Variants in ABLIM1 observed in about 807,000 individuals in gnomAD.
The protein encoded by ABLIM1 is actin binding LIM protein 1, also known as actin-binding LIM protein 1.
A neutral mutation model predicts 107.0 loss-of-function variants in ABLIM1; 40 were observed. The observed-to-expected ratio is 0.37, with a 90% CI of 0.29 to 0.49. The LOEUF is 0.49. Ranked by LOEUF, ABLIM1 falls within the 20% of genes least tolerant of loss-of-function variation. The probability of loss-of-function intolerance (pLI) is 0.97; values close to 1 mark genes in which losing one functional copy is unlikely to be tolerated. For missense variants in ABLIM1, 857 were observed against 1,008.5 expected, an observed-to-expected ratio of 0.85 and a Z score of 2.04; for synonymous variants, 357 against 357.3, an observed-to-expected ratio of 1.00 and a Z score of 0.01.
intron 1 of ABLIM1, among the ~76,000 whole-genome samples, chr10:114,668,994 C>A (rs1044507243): frequency 2.6e-5 from 4 of 152,202 alleles, no homozygotes; most frequent in Non-Finnish European, 5.9e-5. Flanking sequence ...AGCTAGTCTT[C>A]CTCATTTCTA....
intron 1 of ABLIM1, among the ~76,000 whole-genome samples, chr10:114,737,169 C>T (rs1238858259): frequency 2.6e-5 from 4 of 151,624 alleles, no homozygotes; most frequent in South Asian, 2.1e-4. Flanking sequence ...ACTAAAAACA[C>T]AAAAATTAGC....
intron 1 of ABLIM1, among the ~76,000 whole-genome samples, chr10:114,622,984 A>G (rs2077563510): frequency 6.6e-6 from 1 of 152,168 alleles, no homozygotes; most frequent in Non-Finnish European, 1.5e-5. Flanking sequence ...GTTTTCTGAG[A>G]CAAGGTCTGG....
intron 4 of ABLIM1, among the ~76,000 whole-genome samples, chr10:114,558,901 T>C (rs1296338915): frequency 3.2e-5 from 3 of 93,778 alleles, no homozygotes; most frequent in Admixed American, 1.1e-4. Flanking sequence ...CAGGGAGAAC[T>C]AGTGTGTGTG....
intron 1 of ABLIM1, among the ~76,000 whole-genome samples, chr10:114,737,973 T>C (rs759133446): frequency 6.6e-6 from 1 of 152,170 alleles, no homozygotes; most frequent in African/African-American, 2.4e-5. Context: ...ACTAAAAAAA[T>C]TTACTAAAAC....
chr10:114,637,584 G>T (rs1476088358), intron 1 of ABLIM1, among the ~76,000 whole-genome samples: 1 of 152,154 alleles, frequency 6.6e-6, no homozygotes, highest in African/African-American at 2.4e-5. Flanking sequence ...TTTTTCAAAA[G>T]CCAGTTCTGA....
chr10:114,635,742 G>A (rs1489633790), intron 1 of ABLIM1, among the ~76,000 whole-genome samples: 2 of 152,188 alleles, frequency 1.3e-5, no homozygotes, highest in African/African-American at 2.4e-5. Flanking sequence ...GGCTGGTTTC[G>A]AACTCCTGAA....
At chr10:114,585,823 A>C (rs540792581) in intron 2 of ABLIM1, among the ~76,000 whole-genome samples, 1 of 152,096 alleles carries the variant, frequency 6.6e-6, no homozygotes, top group Non-Finnish European at 1.5e-5. Context: ...TTGAGACACA[A>C]AACAATGATT....
At chr10:114,649,767 C>T (rs555286330) in intron 1 of ABLIM1, among the ~76,000 whole-genome samples, 1 of 152,276 alleles carries the variant, frequency 6.6e-6, no homozygotes, top group Non-Finnish European at 1.5e-5. Context: ...CTACTGGTAG[C>T]CTTCGTCTTG....
intron 2 of ABLIM1, among the ~76,000 whole-genome samples, chr10:114,577,900 C>T (rs996693648): frequency 2.6e-5 from 4 of 152,160 alleles, no homozygotes; most frequent in African/African-American, 9.7e-5. Flanking sequence ...GATGCCAGTA[C>T]CTAAAATATA....
intron 1 of ABLIM1, among the ~76,000 whole-genome samples, chr10:114,704,300 C>CTATATATATA (rs1192514543): frequency 6.9e-5 from 2 of 28,882 alleles, no homozygotes; most frequent in African/African-American, 2.7e-4. Flanking sequence ...CTCTCTCTCT[C>CTATATATATA]TCTATATATA....
chr10:114,787,893 G>T, the ABLIM1 span, among the ~76,000 whole-genome samples: 4 of 147,168 alleles, frequency 2.7e-5, no homozygotes, highest in African/African-American at 5.0e-5. Flanking sequence ...AGAAAGGGGG[G>T]AAAGGTGGGG....
intron 6 of ABLIM1, among the ~76,000 whole-genome samples, chr10:114,542,470 TGAA>T (rs1403601244): frequency 9.3e-6 from 1 of 107,630 alleles, no homozygotes; most frequent in Non-Finnish European, 1.9e-5. Flanking sequence ...AAGATGATGA[TGAA>T]GAAGGAAGAA....
At chr10:114,732,477 A>C (rs956181165) in intron 1 of ABLIM1, among the ~76,000 whole-genome samples, 1 of 151,834 alleles carries the variant, frequency 6.6e-6, no homozygotes, top group Non-Finnish European at 1.5e-5. Flanking sequence ...ATAGACCCTT[A>C]TCAGATATAT....
chr10:114,479,015 C>T (rs1435630560), intron 8 of ABLIM1, among the ~76,000 whole-genome samples: 1 of 152,154 alleles, frequency 6.6e-6, no homozygotes, highest in African/African-American at 2.4e-5. Flanking sequence ...GGCTTTGGTG[C>T]CAAATAACAG....
chr10:114,547,779 GA>G lies in ABLIM1; in HGVS notation c.674-4del. The G allele has an allele frequency of 1.2e-6, 2 of 1,606,786 alleles. No individual in the cohort carries two copies. On this transcript the variant is annotated splice_region_variant and splice_polypyrimidine_tract_variant and intron_variant, in intron 4 of 22. Transcript: ENST00000533213. Reference sequence around the variant, plus strand: ...ATCTCTTCCGCAGCCGGCACAATCTGAAAAAGAGCAGCCGCCAGTGGTTACT... The same window carrying G: ...ATCTCTTCCGCAGCCGGCACAATCTGAAAAGAGCAGCCGCCAGTGGTTACT...
chr10:114,657,528 G>A (rs1016621078), intron 1 of ABLIM1, among the ~76,000 whole-genome samples: 4 of 151,818 alleles, frequency 2.6e-5, no homozygotes, highest in African/African-American at 9.7e-5. Flanking sequence ...TTCACAAGAC[G>A]AGCCCTCCCT....
chr10:114,787,716 GC>G, the ABLIM1 span, among the ~76,000 whole-genome samples: 1 of 127,322 alleles, frequency 7.9e-6, no homozygotes, highest in East Asian at 2.4e-4. Context: ...GGGGGGGTCA[GC>G]CCCCCGCCCG....
intron 9 of ABLIM1, 103 bp from the exon 10 acceptor site, chr10:114,473,235 T>C: frequency 8.1e-7 from 1 of 1,239,394 alleles, no homozygotes; most frequent in South Asian, 1.6e-5. Context: ...GGCCTTAAAA[T>C]AAACAAAAAC....
intron 1 of ABLIM1, among the ~76,000 whole-genome samples, chr10:114,712,353 G>GAAAAAAAAAA (rs10583793): frequency 1.4e-4 from 6 of 44,096 alleles, no homozygotes; most frequent in Admixed American, 3.7e-4. Context: ...ACTCCGTCTC[G>GAAAAAAAAAA]AAAAAAAAAA....
Sources: gnomAD v4.1 joint callset for allele counts (sites outside exome capture counted in the v4.1 genomes callset) on GRCh38, gnomAD v4.1.1 for gene constraint, MANE v1.5 for transcripts, NCBI Gene and HGNC (gene_info 2026-07-23, HGNC 2026-07-21) for gene names.